PTPRM: variants seen among roughly 807,000 people sequenced by gnomAD.
PTPRM encodes the protein receptor-type tyrosine-protein phosphatase mu.
Under a neutral mutation model 186.7 loss-of-function variants are expected in PTPRM, and 47 were observed. The observed-to-expected ratio is 0.25, with a 90% CI of 0.20 to 0.32. PTPRM has a LOEUF of 0.32. PTPRM is among the 10% of genes least tolerant of loss of function. PTPRM has a pLI of 1.00. For missense variants in PTPRM, 1,494 were observed against 1,865.0 expected (o/e 0.80, Z 3.66); for synonymous variants, 668 against 674.9 (o/e 0.99, Z 0.16).
intron 1 of PTPRM, among the ~76,000 whole-genome samples, chr18:7,633,763 A>C (rs569089575): frequency 1.3e-5 from 2 of 152,208 alleles, no homozygotes; most frequent in South Asian, 4.1e-4. Context: ...AAGCTGAGAA[A>C]CTTGGAGTCA....
intron 2 of PTPRM, among the ~76,000 whole-genome samples, chr18:7,838,028 TGAA>T (rs2046139517): frequency 6.6e-6 from 1 of 152,166 alleles, no homozygotes; most frequent in African/African-American, 2.4e-5. Flanking sequence ...CTGTGGTTCC[TGAA>T]GAGAAGACTC....
chr18:8,218,462 A>AG, intron 14 of PTPRM, among the ~76,000 whole-genome samples: 1 of 152,296 alleles, frequency 6.6e-6, no homozygotes, highest in East Asian at 1.9e-4. Context: ...TGGAAGACTA[A>AG]GGGAGTTAAA....
At chr18:7,849,120 C>T (rs2046741595) in intron 2 of PTPRM, among the ~76,000 whole-genome samples, 1 of 152,076 alleles carries the variant, frequency 6.6e-6, no homozygotes, top group South Asian at 2.1e-4. Flanking sequence ...ATATATTGCA[C>T]CCAGAATGAT....
chr18:8,289,187 T>G (rs1003206806), intron 19 of PTPRM, among the ~76,000 whole-genome samples: 4 of 151,934 alleles, frequency 2.6e-5, no homozygotes, highest in African/African-American at 9.7e-5. Flanking sequence ...TTTCCTTATC[T>G]ATACAACAGG....
intron 2 of PTPRM, among the ~76,000 whole-genome samples, chr18:7,859,639 G>A (rs776700831): frequency 6.6e-6 from 1 of 152,222 alleles, no homozygotes; most frequent in Non-Finnish European, 1.5e-5. Context: ...GGGAACTCAG[G>A]CTTCCAGGAT....
Position 7,614,352 on chromosome 18 carries a change from C to G in PTPRM, c.73+46461C>G, listed in dbSNP as rs537588318. Among the ~76,000 whole-genome samples, 20 of 152,170 alleles carry G rather than the reference C, an allele frequency of 1.3e-4. No homozygotes were observed. In the South Asian group the frequency reaches 3.7e-3, roughly 28 times the overall value. ...TCAGTTTCAGAAACTGAAAAAGATG[C>G]TAGAAGTTTGATTTTGTGTGATCAA... On this transcript the variant is annotated intron_variant, in intron 1 of 32. Coordinates refer to ENST00000580170, the MANE Select transcript of PTPRM (RefSeq NM_001105244.2).
chr18:7,571,382 A>G (rs2036563545), intron 1 of PTPRM, among the ~76,000 whole-genome samples: 1 of 152,264 alleles, frequency 6.6e-6, no homozygotes, highest in African/African-American at 2.4e-5. Flanking sequence ...AGAAAGTTAA[A>G]TTATTTTACC....
intron 2 of PTPRM, among the ~76,000 whole-genome samples, chr18:7,874,397 A>C (rs1298173961): frequency 6.6e-6 from 1 of 152,190 alleles, no homozygotes; most frequent in Non-Finnish European, 1.5e-5. Context: ...GAATTTAGCT[A>C]TCTTGTTTTT....
chr18:8,360,363 C>T (rs757431644), intron 23 of PTPRM, among the ~76,000 whole-genome samples: 2 of 151,270 alleles, frequency 1.3e-5, no homozygotes, highest in Non-Finnish European at 2.9e-5. Flanking sequence ...GAAGGTGGAA[C>T]GGGTCTGGAC....
intron 7 of PTPRM, among the ~76,000 whole-genome samples, chr18:8,046,625 G>A (rs1306395351): frequency 6.6e-6 from 1 of 152,070 alleles, no homozygotes; most frequent in Non-Finnish European, 1.5e-5. Context: ...GTGTCTCTGG[G>A]TCCTCCTTGA....
At chr18:7,910,715 C>T (rs2050218091) in intron 4 of PTPRM, among the ~76,000 whole-genome samples, 1 of 152,188 alleles carries the variant, frequency 6.6e-6, no homozygotes, top group Non-Finnish European at 1.5e-5. Context: ...AGCCCAAGAC[C>T]AGCCTGACTG....
At chr18:7,637,167 CA>C (rs11296631) in intron 1 of PTPRM, among the ~76,000 whole-genome samples, 3,334 of 72,124 alleles carry the variant, frequency 0.046, 76 homozygotes, top group African/African-American at 0.11. Flanking sequence ...GACCCTGACT[CA>C]AAAAAAAAAA....
At chr18:8,307,519 A>G (rs1331520334) in intron 20 of PTPRM, among the ~76,000 whole-genome samples, 1 of 152,162 alleles carries the variant, frequency 6.6e-6, no homozygotes, top group Non-Finnish European at 1.5e-5. Flanking sequence ...AGAAAGCTAT[A>G]GAGGCCAGGC....
intron 2 of PTPRM, among the ~76,000 whole-genome samples, chr18:7,789,059 C>T (rs1466411826): frequency 6.6e-6 from 1 of 152,166 alleles, no homozygotes; most frequent in Admixed American, 6.5e-5. Context: ...CAGTGGCTCA[C>T]ACCTGTAATC....
chr18:7,597,152 G>A (rs890477092), intron 1 of PTPRM, among the ~76,000 whole-genome samples: 9 of 152,072 alleles, frequency 5.9e-5, no homozygotes, highest in African/African-American at 1.2e-4. Flanking sequence ...GCCAGCCTTC[G>A]TTTATCTTTT....
chr18:8,196,920 T>C (rs1422884359), intron 14 of PTPRM, among the ~76,000 whole-genome samples: 1 of 152,186 alleles, frequency 6.6e-6, no homozygotes, highest in Admixed American at 6.5e-5. Flanking sequence ...ACGTCTGACT[T>C]GAAGGCATCA....
At chr18:8,186,693 CT>C (rs1167913602) in intron 14 of PTPRM, among the ~76,000 whole-genome samples, 1 of 152,198 alleles carries the variant, frequency 6.6e-6, no homozygotes, top group African/African-American at 2.4e-5. Context: ...TGTCCAGCCA[CT>C]GTGTTGCACT....
chr18:8,387,769 C>CGTGCGCGTGTGTGTGCGCGT (rs10630451), intron 31 of PTPRM, among the ~76,000 whole-genome samples: 1 of 151,582 alleles, frequency 6.6e-6, no homozygotes, highest in Non-Finnish European at 1.5e-5. Flanking sequence ...TGTGTGTGCG[C>CGTGCGCGTGTGTGTGCGCGT]GCGCGTGCAT....
At chr18:8,029,231 C>CCACCTGTCCTGCCTGGAGTGCCTCCCCCA (rs1481238364) in intron 7 of PTPRM, among the ~76,000 whole-genome samples, 3 of 145,670 alleles carry the variant, frequency 2.1e-5, no homozygotes, top group African/African-American at 7.7e-5. Context: ...TGCCCCTCCC[C>CCACCTGTCCTGCCTGGAGTGCCTCCCCCA]CACCTGTCCT....
Sources: allele counts gnomAD v4.1 joint callset (sites outside exome capture counted in the v4.1 genomes callset), GRCh38; gene constraint gnomAD v4.1.1; transcripts MANE v1.5; gene names NCBI Gene and HGNC (gene_info 2026-07-23, HGNC 2026-07-21).